The following NCOR1 variants were observed in gnomAD, a reference collection of about 807,000 sequenced individuals.
NCOR1 encodes protein phosphatase 1, regulatory subunit 109.
Under a neutral mutation model 288.1 loss-of-function variants are expected in NCOR1, and 63 were observed. That is an observed-to-expected ratio of 0.22 (90% CI 0.18 to 0.27). The LOEUF (loss-of-function observed/expected upper bound fraction) is 0.27, where lower values mean the gene tolerates loss of function less well. Among genes scored for constraint, NCOR1 ranks in the 10% least tolerant of loss-of-function variants. NCOR1 has a pLI of 1.00. For missense variants in NCOR1, 2,397 were observed against 3,019.2 expected, an observed-to-expected ratio of 0.79 and a Z score of 4.83; for synonymous variants, 1,007 against 1,065.9, an observed-to-expected ratio of 0.94 and a Z score of 1.08.
intron 21 of NCOR1, among the ~76,000 whole-genome samples, chr17:16,095,579 A>G (rs1160359690): frequency 1.0e-5 from 1 of 96,648 alleles, no homozygotes. Context: ...CCCGTACAGG[A>G]GGTGAGGGTC....
chr17:16,181,522 A>T (rs2085484230), intron 3 of NCOR1, among the ~76,000 whole-genome samples: 1 of 152,106 alleles, frequency 6.6e-6, no homozygotes, highest in African/African-American at 2.4e-5. Context: ...ACAAGTCTAG[A>T]GATCTAATGT....
chr17:16,167,859 C>CAAA (rs71299856), intron 4 of NCOR1, among the ~76,000 whole-genome samples: 28,068 of 62,134 alleles, frequency 0.45, 5,440 homozygotes, highest in Non-Finnish European at 0.53. Flanking sequence ...GACTCCATCT[C>CAAA]AAAAAAAAAA....
intron 5 of NCOR1, among the ~76,000 whole-genome samples, chr17:16,164,631 T>C (rs1386778522): frequency 6.6e-6 from 1 of 152,118 alleles, no homozygotes; most frequent in Non-Finnish European, 1.5e-5. Flanking sequence ...ATCTATTAAA[T>C]AGTTCACTGT....
chr17:16,057,984 G>A lies in NCOR1; in HGVS notation c.6091C>T (p.Pro2031Ser), dbSNP rs781041255. Reference protein sequence around the residue: ...QESPSPQQQLPPSSQAEGMGQ... With the variant: ...QESPSPQQQLSPSSQAEGMGQ... ...ATTCCCTCTGCCTGTGAAGAAGGGG[G>A]CAGCTGTTGTTGGGGAGATGGTGAT... The change falls in exon 39 of 46, where the codon CCC becomes TCC. Residue 2031 changes from proline (P) to serine (S), a missense_variant. Around this residue, in one of 11 missense-constraint regions of NCOR1, gnomAD observed 1,872 missense variants for 2,187.8 expected, o/e 0.86. Coordinates refer to ENST00000268712, the MANE Select transcript of NCOR1 (RefSeq NM_006311.4). The A allele has an allele frequency of 5.0e-6, 8 of 1,614,018 alleles. No individual in the cohort carries two copies. Among genetic ancestry groups the A allele is most frequent in the Non-Finnish European group, 5.9e-6 (7 of 1,180,012 alleles).
chr17:16,104,790 T>C (rs1383075412), intron 19 of NCOR1, among the ~76,000 whole-genome samples: 1 of 151,732 alleles, frequency 6.6e-6, no homozygotes, highest in African/African-American at 2.4e-5. Context: ...ACAAAAGAAG[T>C]GATATATCAG....
Position 16,124,727 on chromosome 17 carries a change from A to C in NCOR1, c.1634+1355T>G, listed in dbSNP as rs188280145. Among the ~76,000 whole-genome samples, 192 of 152,332 alleles carry C rather than the reference A, an allele frequency of 1.3e-3. 2 individuals carry two copies. The highest frequency in any genetic ancestry group is 6.5e-4 in the Non-Finnish European group (44 of 68,026). ...TTTTCTATAATGTAATTTTATAACT[A>C]AGAAAACAGCAGTAACAACAAACAA... On this transcript the variant is annotated intron_variant, in intron 15 of 45. Transcript: ENST00000268712.
At chr17:16,073,715 T>C (rs1368426877) in intron 27 of NCOR1, 146 bp from the exon 28 acceptor site, 13 of 666,220 alleles carry the variant, frequency 2.0e-5, no homozygotes, top group Non-Finnish European at 2.6e-5. Context: ...AGATGATTCA[T>C]GAAAATATTT....
intron 23 of NCOR1, among the ~76,000 whole-genome samples, chr17:16,081,886 T>A (rs2058011184): frequency 9.2e-5 from 14 of 152,188 alleles, no homozygotes; most frequent in Admixed American, 9.2e-4. Flanking sequence ...TGCAAGGCTA[T>A]GAATATGCCT....
chr17:16,181,703 A>C (rs2085522961), intron 3 of NCOR1, among the ~76,000 whole-genome samples: 1 of 152,188 alleles, frequency 6.6e-6, no homozygotes, highest in African/African-American at 2.4e-5. Context: ...TACATAATAA[A>C]ATTTATTTTA....
intron 7 of NCOR1, among the ~76,000 whole-genome samples, chr17:16,152,564 T>A (rs557080741): frequency 2.0e-5 from 3 of 152,236 alleles, no homozygotes; most frequent in African/African-American, 7.2e-5. Flanking sequence ...TGATGGACAT[T>A]TGGGTTGGTT....
At position 16,073,578 on chromosome 17, in the gene NCOR1, T is replaced by C; in HGVS notation, c.3671-9A>G. Reference sequence around the variant, plus strand: ...TCGGGCATTCTTAATATCTACAGAATACACAAACAAGACTTGCTCAGACGG... The same window carrying C: ...TCGGGCATTCTTAATATCTACAGAACACACAAACAAGACTTGCTCAGACGG... On this transcript the variant is annotated splice_polypyrimidine_tract_variant and intron_variant, in intron 27 of 45. Coordinates refer to ENST00000268712, the MANE Select transcript of NCOR1 (RefSeq NM_006311.4). 1.3e-6 allele frequency: 2 copies of C among 1,593,410 alleles called. No homozygotes were observed. Among genetic ancestry groups the C allele is most frequent in the Non-Finnish European group, 1.7e-6 (2 of 1,171,222 alleles).
Position 16,121,160 on chromosome 17 carries a change from T to C in NCOR1, c.1744A>G (p.Lys582Glu), listed in dbSNP as rs761695879. Residue 582 changes from lysine (K) to glutamate (E), a missense_variant, in exon 16 of 46, where the codon AAG (lysine) becomes GAG (glutamate). Transcript: ENST00000268712. ...RKTANSQGRRKGRITRSMTNE... is the reference protein window; with the variant it reads ...RKTANSQGRREGRITRSMTNE... ...GTCATGGACCTGGTGATCCGGCCCT[T>C]ACGGCGGCCCTGACTGTTGGCAGTC... The C allele has an allele frequency of 1.2e-6, 2 of 1,614,198 alleles. No individual in the cohort carries two copies. The highest frequency in any genetic ancestry group is 1.7e-6 in the Non-Finnish European group (2 of 1,180,028).
At chr17:16,139,911 A>G (rs1405041889) in intron 11 of NCOR1, among the ~76,000 whole-genome samples, 1 of 152,234 alleles carries the variant, frequency 6.6e-6, no homozygotes, top group African/African-American at 2.4e-5. Context: ...TTTCCTCATA[A>G]AAGTGGATAC....
intron 21 of NCOR1, among the ~76,000 whole-genome samples, chr17:16,096,303 A>T (rs139432124): frequency 0.016 from 2,443 of 149,566 alleles, 61 homozygotes; most frequent in African/African-American, 0.056. Flanking sequence ...AATGATCAAT[A>T]AAAAAAAAAT....
chr17:16,070,602 A>G, intron 30 of NCOR1, 77 bp from the exon 31 acceptor site: 1 of 1,544,494 alleles, frequency 6.5e-7, no homozygotes, highest in Non-Finnish European at 8.7e-7. Context: ...TGTCTGGCCC[A>G]TGGCAGTTAC....
intron 1 of NCOR1, among the ~76,000 whole-genome samples, chr17:16,214,900 T>C (rs1239598390): frequency 6.6e-6 from 1 of 152,230 alleles, no homozygotes; most frequent in African/African-American, 2.4e-5. Flanking sequence ...GGTGAACTAA[T>C]TTACTCTGCA....
At chr17:16,037,784 T>C (rs753518373) in intron 44 of NCOR1, among the ~76,000 whole-genome samples, 12 of 152,224 alleles carry the variant, frequency 7.9e-5, no homozygotes, top group Non-Finnish European at 1.5e-4. Flanking sequence ...TTCCAGACTG[T>C]GTAGCTGATG....
At chr17:16,164,183 G>A (rs1488653953) in intron 5 of NCOR1, among the ~76,000 whole-genome samples, 1 of 151,528 alleles carries the variant, frequency 6.6e-6, no homozygotes, top group Non-Finnish European at 1.5e-5. Flanking sequence ...AGAGGTTGCA[G>A]TGAGCCAAGA....
chr17:16,101,819 A>G (rs1232179111), intron 19 of NCOR1, 62 bp from the exon 20 acceptor site: 1 of 1,579,512 alleles, frequency 6.3e-7, no homozygotes, highest in African/African-American at 1.3e-5. Context: ...AAAGATAATG[A>G]TACAGCATAA....
Sources: allele counts gnomAD v4.1 joint callset (sites outside exome capture counted in the v4.1 genomes callset), GRCh38; gene constraint gnomAD v4.1.1; regional missense constraint gnomAD v4.1.1; transcripts MANE v1.5; gene names NCBI Gene and HGNC (gene_info 2026-07-23, HGNC 2026-07-21).